Variants in MPIG6B observed in about 807,000 individuals in gnomAD.
MPIG6B encodes megakaryocyte and platelet inhibitory receptor G6b, also known as immunoglobulin receptor.
In MPIG6B, 22 loss-of-function variants were observed where a neutral mutation model predicts 24.2. The ratio of observed to expected loss-of-function variants is 0.91; its 90% CI spans 0.65 to 1.30. MPIG6B has a LOEUF of 1.30. Ranked by LOEUF, MPIG6B falls within the 50% of genes most tolerant of loss-of-function variation. MPIG6B has a pLI of 0.00. For synonymous variants in MPIG6B, 136 were observed against 142.0 expected (o/e 0.96, Z 0.30); for missense variants, 301 against 318.5 (o/e 0.94, Z 0.42).
chr6:31,723,308 A>G (rs1467008129), upstream of MPIG6B: 3 of 1,220,656 alleles, frequency 2.5e-6, no homozygotes, highest in Non-Finnish European at 3.5e-6. This position sits in a 1 kb window ranked among gnomAD's most constrained non-coding sequence, Gnocchi z 4.3. Context: ...CCCCACGCCT[A>G]ACTTCCCTCC....
Position 31,723,813 on chromosome 6 carries a change from C to T in MPIG6B, c.236C>T (p.Pro79Leu). The T allele has an allele frequency of 1.9e-6, 3 of 1,613,858 alleles. No individual in the cohort carries two copies. Among genetic ancestry groups the T allele is most frequent in the Non-Finnish European group, 2.5e-6 (3 of 1,179,918 alleles). ...ACCCCCACCGTGCCTCCCCTCCAGCCTTTCGTCGGCCGCCTACGCTCCCTG... is the reference window on the plus strand; with the variant it reads ...ACCCCCACCGTGCCTCCCCTCCAGCTTTTCGTCGGCCGCCTACGCTCCCTG... The part of the protein sequence containing the change: ...SGTPTVPPLQ[P>L]FVGRLRSLDS... Residue 79 changes from proline (P) to leucine (L), a missense_variant, in exon 2 of 6, where the codon CCT becomes CTT. Coordinates refer to ENST00000649779, the MANE Select transcript of MPIG6B (RefSeq NM_138272.3). The surrounding 1 kb of genome is among the most constrained non-coding windows in gnomAD (Gnocchi z 4.3).
chr6:31,724,394 G>T (rs1249468680), intron 3 of MPIG6B, 162 bp downstream of exon 3: 7 of 750,952 alleles, frequency 9.3e-6, no homozygotes, highest in African/African-American at 3.5e-5. Context: ...TGACTGGTGA[G>T]TAGAGCCCCA....
chr6:31,724,060 G>C, intron 2 of MPIG6B, 74 bp downstream of exon 2: 5 of 1,572,872 alleles, frequency 3.2e-6, no homozygotes, highest in Non-Finnish European at 3.5e-6. Flanking sequence ...GGCCTTGGCT[G>C]GGGGTTCTTG....
chr6:31,722,962 C>T (rs1806914289), upstream of MPIG6B: 1 of 267,484 alleles, frequency 3.7e-6, no homozygotes, highest in Non-Finnish European at 7.3e-6. Context: ...ATCACAATCC[C>T]CTACAAAACA....
In MPIG6B at chr6:31,724,758, C is replaced by T. The variant is rs369290330; in HGVS notation, c.542-7C>T. The T allele has an allele frequency of 3.7e-6, 6 of 1,613,930 alleles. No individual in the cohort carries two copies. The highest frequency in any genetic ancestry group is 1.1e-5 in the South Asian group (1 of 91,088). On this transcript the variant is annotated splice_polypyrimidine_tract_variant and splice_region_variant and intron_variant, in intron 4 of 5. Coordinates refer to ENST00000649779, the MANE Select transcript of MPIG6B (RefSeq NM_138272.3). ...CTCCATCCTTCAGCTCTGTCCCCCCCACATAGCTCCACTTGTGAAAACCGA... is the reference window on the plus strand; with the variant it reads ...CTCCATCCTTCAGCTCTGTCCCCCCTACATAGCTCCACTTGTGAAAACCGA...
upstream of MPIG6B, among the ~76,000 whole-genome samples, chr6:31,722,579 G>A (rs55932544): frequency 8.8e-3 from 1,345 of 152,254 alleles, 8 homozygotes; most frequent in Middle Eastern, 0.075. Flanking sequence ...ATAGTAGGCC[G>A]GGTGTGGTGG....
At chr6:31,724,025 G>T (rs755497788) in intron 2 of MPIG6B, 39 bp downstream of exon 2, 3 of 1,561,874 alleles carry the variant, frequency 1.9e-6, no homozygotes, top group Non-Finnish European at 1.7e-6. Flanking sequence ...ACTTAACTCC[G>T]ACACATACCC....
chr6:31,723,915 A>G lies in MPIG6B; in HGVS notation c.338A>G (p.Glu113Gly), dbSNP rs765307090. Residue 113 changes from glutamate (E) to glycine (G), a missense_variant, in exon 2 of 6, where the codon GAG becomes GGG. Transcript: ENST00000649779. This position sits in a 1 kb window ranked among gnomAD's most constrained non-coding sequence, Gnocchi z 4.3. The stretch of plus-strand genomic sequence containing the variant: ...ACTTTTTTCTGCAAGGGCCGCCACG[A>G]GGACGAGAGCCGTACAGTGCTTCAC... Reference protein sequence around the residue: ...SGTFFCKGRHEDESRTVLHVL... With the variant: ...SGTFFCKGRHGDESRTVLHVL... 2.1e-5 allele frequency: 33 copies of G among 1,596,794 alleles called. No homozygotes were observed. The highest frequency in any genetic ancestry group is 2.8e-5 in the Non-Finnish European group (33 of 1,171,282).
At chr6:31,720,666 T>A (rs1175552071), upstream of MPIG6B, among the ~76,000 whole-genome samples, 1 of 152,216 alleles carries the variant, frequency 6.6e-6, no homozygotes, top group Non-Finnish European at 1.5e-5. The surrounding 1 kb of genome is among the most constrained non-coding windows in gnomAD (Gnocchi z 4.9). Context: ...AAGCCATCTG[T>A]GGCCAGCTTT....
rs530881306 is a variant in MPIG6B at position 31,724,604 on chromosome 6, C to T, written c.518C>T (p.Pro173Leu). 46 of 1,613,746 alleles carry T rather than the reference C, an allele frequency of 2.9e-5. No individual in the cohort carries two copies. Among genetic ancestry groups the T allele is most frequent in the Non-Finnish European group, 3.5e-5 (41 of 1,179,754 alleles). ...WWLHRRLPPQ[P>L]IRPLPRFAPL... ...CCTTACAGGCGCCTGCCCCCGCAAC[C>T]GATTCGACCACTCCCTAGATTTGGT... The change falls in exon 4 of 6, where the codon CCG (proline) becomes CTG (leucine). Residue 173 changes from proline (P) to leucine (L), a missense_variant. Transcript: ENST00000649779.
In MPIG6B at chr6:31,724,956, C is replaced by T; in HGVS notation, c.622-14C>T. ...TGTGGAGACCATCTTGTCTTCCTCCCCTTCCTCCTCCAGAGCCTGCTCTAT... is the reference window on the plus strand; with the variant it reads ...TGTGGAGACCATCTTGTCTTCCTCCTCTTCCTCCTCCAGAGCCTGCTCTAT... On this transcript the variant is annotated splice_polypyrimidine_tract_variant and intron_variant, in intron 5 of 5. Transcript: ENST00000649779. 6.2e-7 allele frequency: 1 copy of T among 1,613,118 alleles called. No homozygotes were observed. The highest frequency in any genetic ancestry group is 8.5e-7 in the Non-Finnish European group (1 of 1,179,428).
Position 31,724,123 on chromosome 6 carries a change from C to T in MPIG6B, c.410-19C>T, listed in dbSNP as rs761564341. ...AACCCCTGACCTCAGCATCCCTCCC[C>T]GCCACGCCTTTCCCCCAGGGTCCGT... is the stretch of plus-strand genomic sequence containing the variant. On this transcript the variant is annotated intron_variant, in intron 2 of 5. Coordinates refer to ENST00000649779, the MANE Select transcript of MPIG6B (RefSeq NM_138272.3). 6.8e-6 allele frequency: 11 copies of T among 1,607,424 alleles called. No homozygotes were observed. In the South Asian group the frequency reaches 9.9e-5, roughly 15 times the overall value.
chr6:31,724,929 A>T (rs1807212529), intron 5 of MPIG6B, 41 bp from the exon 6 acceptor site: 1 of 1,609,062 alleles, frequency 6.2e-7, no homozygotes, highest in Admixed American at 1.7e-5. Flanking sequence ...CCCAAGGAAG[A>T]CTGTGGAGAC....
chr6:31,723,297 T>A, upstream of MPIG6B: 2 of 898,734 alleles, frequency 2.2e-6, no homozygotes, highest in Non-Finnish European at 3.5e-6. The surrounding 1 kb of genome is among the most constrained non-coding windows in gnomAD (Gnocchi z 4.3). Flanking sequence ...CCCTCCGTTC[T>A]CCCCACGCCT....
Position 31,725,330 on chromosome 6 carries a change from C to CTTTT in MPIG6B, c.*269_*272dup. 7 of 333,210 alleles carry CTTTT rather than the reference C, an allele frequency of 2.1e-5. No homozygotes were observed. Among genetic ancestry groups the CTTTT allele is most frequent in the South Asian group, 1.2e-4 (2 of 16,088 alleles). 20.6% of individuals were successfully genotyped at this position (333,210 alleles called of 1,614,324 possible). On this transcript the variant is annotated 3_prime_UTR_variant, in exon 6 of 6. Coordinates refer to ENST00000649779, the MANE Select transcript of MPIG6B (RefSeq NM_138272.3). This position sits in a 1 kb window ranked among gnomAD's most constrained non-coding sequence, Gnocchi z 5.2. The stretch of plus-strand genomic sequence containing the variant: ...TCTATACCCAATCAAGCCCTAGCTC[C>CTTTT]TTTTTTTTTTTTTTTTGAGACGGAG...
At chr6:31,724,706 T>C (rs931396600) in intron 4 of MPIG6B, 59 bp from the exon 5 acceptor site, 1 of 1,607,064 alleles carries the variant, frequency 6.2e-7, no homozygotes, top group Non-Finnish European at 8.5e-7. Flanking sequence ...GAGCCCTTGC[T>C]GGGAGCAGAC....
At chr6:31,721,632 G>C (rs1419958002), upstream of MPIG6B, 3 of 1,613,880 alleles carry the variant, frequency 1.9e-6, no homozygotes, top group Admixed American at 1.7e-5. Context: ...GCTCACCTGA[G>C]ACCCAGCAGA....
rs1807370542 is a variant in MPIG6B at position 31,726,420 on chromosome 6, A to G, written c.*1346A>G. On this transcript the variant is annotated 3_prime_UTR_variant, in exon 6 of 6. Coordinates refer to ENST00000649779, the MANE Select transcript of MPIG6B (RefSeq NM_138272.3). The surrounding 1 kb of genome is among the most constrained non-coding windows in gnomAD (Gnocchi z 5.1). ...GCCCAGTGCAATTCCTTCTTCCTGT[A>G]TTACCCCTTTCCCTCCTTCACACTA... 6.6e-6 allele frequency: 1 copy of G among 152,082 alleles called. No homozygotes were observed. Among genetic ancestry groups the G allele is most frequent in the Non-Finnish European group, 1.5e-5 (1 of 68,002 alleles). The allele number at this position is 152,082 out of a possible 1,614,324, so 9.4% of individuals were successfully genotyped here. A position where few individuals can be genotyped will look rare whatever the true frequency, so the allele number is the denominator to read the frequency against.
rs1807001058 is a variant in MPIG6B, at chr6:31,723,580, G to A, written c.62-59G>A. ...AACAGAGAAGAGAAAGAGGAGACGG[G>A]ATGGAGGGTCGTCTTGCCCTGTGGA... On this transcript the variant is annotated intron_variant, in intron 1 of 5. Transcript: ENST00000649779. The surrounding 1 kb of genome is among the most constrained non-coding windows in gnomAD (Gnocchi z 4.3). 2.1e-6 allele frequency: 3 copies of A among 1,442,960 alleles called. No homozygotes were observed. The highest frequency in any genetic ancestry group is 2.8e-6 in the Non-Finnish European group (3 of 1,058,062). The allele number at this position is 1,442,960 out of a possible 1,614,324, so 89.4% of individuals were successfully genotyped here.
Sources: gnomAD v4.1 joint callset for allele counts (sites outside exome capture counted in the v4.1 genomes callset) on GRCh38, gnomAD v4.1.1 for gene constraint, Gnocchi (gnomAD v3.1) non-coding constraint, MANE v1.5 for transcripts, NCBI Gene and HGNC (gene_info 2026-07-23, HGNC 2026-07-21) for gene names.